The following CDK19 variants were observed in gnomAD, a reference collection of about 807,000 sequenced individuals.
CDK19 encodes the protein cyclin dependent kinase 19.
CDK19 carries 20 observed loss-of-function variants against 68.3 expected under a neutral mutation model. The ratio of observed to expected loss-of-function variants is 0.29; its 90% CI spans 0.21 to 0.43. The LOEUF (loss-of-function observed/expected upper bound fraction) is 0.43. Ranked by LOEUF, CDK19 falls within the 20% of genes least tolerant of loss-of-function variation. CDK19 has a pLI of 1.00. For synonymous variants in CDK19, 221 were observed against 222.8 expected (o/e 0.99, Z 0.07); for missense variants, 339 against 623.5 (o/e 0.54, Z 4.86).
intron 1 of CDK19, among the ~76,000 whole-genome samples, chr6:110,748,702 T>A (rs1016391296): frequency 6.6e-5 from 10 of 152,150 alleles, no homozygotes; most frequent in African/African-American, 2.4e-4. Context: ...AAAACATGCA[T>A]CCTTTAACAC....
At chr6:110,668,663 T>A (rs1181751448) in intron 3 of CDK19, among the ~76,000 whole-genome samples, 3 of 151,976 alleles carry the variant, frequency 2.0e-5, no homozygotes, top group Non-Finnish European at 4.4e-5. Context: ...TGAAACCCCG[T>A]CTCTACTAAA....
rs1780851768 is a variant in CDK19 at position 110,781,880 on chromosome 6, CTTACT to C, written c.128+33124_128+33128del. 3.3e-5 allele frequency among the ~76,000 whole-genome samples: 5 copies of C among 151,798 alleles called. No individual in the cohort carries two copies. The South Asian group carries it at 1.0e-3, about 32-fold the overall frequency. ...AACCTATTCAGAGATACAATCAGCTCTTACTTTAGAGTCAAAGAATCTCTGTCAAT... is the reference window on the plus strand; with the variant it reads ...AACCTATTCAGAGATACAATCAGCTCTTAGAGTCAAAGAATCTCTGTCAAT... On this transcript the variant is annotated intron_variant, in intron 1 of 12. Coordinates refer to ENST00000368911, the MANE Select transcript of CDK19 (RefSeq NM_015076.5).
chr6:110,652,928 T>C (rs2114278954), intron 4 of CDK19, among the ~76,000 whole-genome samples: 1 of 152,242 alleles, frequency 6.6e-6, no homozygotes. Flanking sequence ...TATGAGCTCT[T>C]TTGCACAGTT....
At chr6:110,785,473 AAAG>A (rs1781139881) in intron 1 of CDK19, among the ~76,000 whole-genome samples, 1 of 152,228 alleles carries the variant, frequency 6.6e-6, no homozygotes, top group Non-Finnish European at 1.5e-5. Context: ...AAGCTACAGA[AAAG>A]AAAATGCGAA....
chr6:110,806,168 C>T (rs1583145590), intron 1 of CDK19, among the ~76,000 whole-genome samples: 1 of 151,666 alleles, frequency 6.6e-6, no homozygotes, highest in South Asian at 2.1e-4. Context: ...GATGAAACCC[C>T]GTTTCTACTA....
intron 2 of CDK19, among the ~76,000 whole-genome samples, chr6:110,692,686 G>A (rs953198745): frequency 3.3e-5 from 5 of 152,048 alleles, no homozygotes; most frequent in Admixed American, 2.0e-4. Context: ...GCATATAGTC[G>A]GTCAACAGGC....
chr6:110,632,227 C>G, intron 5 of CDK19, 66 bp from the exon 6 acceptor site: 1 of 1,329,968 alleles, frequency 7.5e-7, no homozygotes, highest in Non-Finnish European at 1.0e-6. Flanking sequence ...TGGCTAAGAT[C>G]AAGTGTAAAA....
chr6:110,659,154 A>T (rs1275883941), intron 4 of CDK19, among the ~76,000 whole-genome samples: 1 of 152,258 alleles, frequency 6.6e-6, no homozygotes, highest in Non-Finnish European at 1.5e-5. Context: ...TAAGATTTTA[A>T]GGGTTTTGCC....
rs190675771 is a variant in CDK19, at chr6:110,646,507, C to T, written c.457-7801G>A. The T allele has an allele frequency of 2.1e-5, 29 of 1,380,372 alleles. No individual in the cohort carries two copies. In the East Asian group the frequency reaches 5.1e-4, roughly 24 times the overall value. 85.5% of individuals were successfully genotyped at this position (1,380,372 alleles called of 1,614,324 possible). On this transcript the variant is annotated intron_variant, in intron 4 of 12. Coordinates refer to ENST00000368911, the MANE Select transcript of CDK19 (RefSeq NM_015076.5). ...GCTCGTTCTGTGCCAGCGTGGTGCCCTGGGAAACCGACGTGCGCCTCCACC... is the reference window on the plus strand; with the variant it reads ...GCTCGTTCTGTGCCAGCGTGGTGCCTTGGGAAACCGACGTGCGCCTCCACC...
chr6:110,690,701 T>C (rs1397973905), intron 2 of CDK19, among the ~76,000 whole-genome samples: 1 of 152,170 alleles, frequency 6.6e-6, no homozygotes, highest in Admixed American at 6.5e-5. Context: ...GCTCACACAC[T>C]GAGCACATTG....
At chr6:110,711,652 AAT>A (rs947351605) in intron 2 of CDK19, among the ~76,000 whole-genome samples, 2 of 152,252 alleles carry the variant, frequency 1.3e-5, no homozygotes, top group South Asian at 2.1e-4. Flanking sequence ...TATATGAACT[AAT>A]ATATAACATG....
intron 2 of CDK19, among the ~76,000 whole-genome samples, chr6:110,686,132 T>G (rs953153549): frequency 6.6e-6 from 1 of 152,168 alleles, no homozygotes; most frequent in Non-Finnish European, 1.5e-5. Context: ...CCAAGCATAT[T>G]TGAGGCACTG....
At chr6:110,685,577 C>A (rs1048788871) in intron 2 of CDK19, among the ~76,000 whole-genome samples, 2 of 152,184 alleles carry the variant, frequency 1.3e-5, no homozygotes, top group Non-Finnish European at 2.9e-5. Flanking sequence ...AGATTTTCAA[C>A]AAATGTTGGC....
intron 2 of CDK19, among the ~76,000 whole-genome samples, chr6:110,671,261 C>A (rs1368219557): frequency 6.6e-6 from 1 of 152,074 alleles, no homozygotes; most frequent in East Asian, 1.9e-4. Context: ...CAGCACTTTG[C>A]GCATAACAGA....
intron 12 of CDK19, among the ~76,000 whole-genome samples, chr6:110,618,292 C>T (rs1778475896): frequency 2.6e-5 from 4 of 152,072 alleles, no homozygotes; most frequent in Admixed American, 2.6e-4. Context: ...ACCACCACAA[C>T]CAGCTAATTT....
rs779641667 is a variant in CDK19 at position 110,815,188 on chromosome 6, C to CCCTCCT, written c.-58_-53dup. The CCCTCCT allele has an allele frequency of 2.7e-6, 4 of 1,502,476 alleles. No individual in the cohort carries two copies. The highest frequency in any genetic ancestry group is 2.7e-5 in the East Asian group (1 of 36,900). 93.1% of individuals were successfully genotyped at this position (1,502,476 alleles called of 1,614,324 possible). A position where few individuals can be genotyped will look rare whatever the true frequency, so the allele number is the denominator to read the frequency against. On this transcript the variant is annotated 5_prime_UTR_variant, in exon 1 of 13. Coordinates refer to ENST00000368911, the MANE Select transcript of CDK19 (RefSeq NM_015076.5). ...GACGCGGGGGCCGCCGCCGCTCAGTCCCTCCTCCTCCTCCCCCCGCGACCG... is the reference window on the plus strand; with the variant it reads ...GACGCGGGGGCCGCCGCCGCTCAGTCCCTCCTCCTCCTCCTCCTCCCCCCGCGACCG...
intron 1 of CDK19, among the ~76,000 whole-genome samples, chr6:110,794,341 G>A (rs564312581): frequency 6.6e-6 from 1 of 151,800 alleles, no homozygotes; most frequent in Non-Finnish European, 1.5e-5. Flanking sequence ...GACCGCGCCT[G>A]GCCTGTTCTT....
At chr6:110,704,808 T>C (rs74385589) in intron 2 of CDK19, among the ~76,000 whole-genome samples, 4,273 of 152,138 alleles carry the variant, frequency 0.028, 84 homozygotes, top group South Asian at 0.084. Flanking sequence ...CCAAGGCTAA[T>C]TCTGGAAGCA....
At chr6:110,624,587 AG>A (rs1778968560) in intron 8 of CDK19, among the ~76,000 whole-genome samples, 1 of 152,186 alleles carries the variant, frequency 6.6e-6, no homozygotes. Flanking sequence ...GTATAAACAC[AG>A]GAATTTTTGC....
Sources: gnomAD v4.1 joint callset for allele counts (sites outside exome capture counted in the v4.1 genomes callset) on GRCh38, gnomAD v4.1.1 for gene constraint, MANE v1.5 for transcripts, NCBI Gene and HGNC (gene_info 2026-07-23, HGNC 2026-07-21) for gene names.